CFAP418: variants seen among roughly 807,000 people sequenced by gnomAD.
CFAP418 encodes cilia and flagella associated protein 418, also known as cilia- and flagella-associated protein 418.
Under a neutral mutation model 24.7 loss-of-function variants are expected in CFAP418, and 27 were observed. The observed-to-expected ratio is 1.09, with a 90% CI of 0.81 to 1.51. The LOEUF (loss-of-function observed/expected upper bound fraction) is 1.51, where lower values mean the gene tolerates loss of function less well. Among genes scored for constraint, CFAP418 ranks in the 40% most tolerant of loss-of-function variants. The pLI is 0.00. For missense variants in CFAP418, 257 were observed against 255.2 expected, an observed-to-expected ratio of 1.01 and a Z score of -0.05; for synonymous variants, 74 against 87.3, an observed-to-expected ratio of 0.85 and a Z score of 0.85.
intron 4 of CFAP418, among the ~76,000 whole-genome samples, chr8:95,256,874 G>C (rs779263199): frequency 1.3e-5 from 2 of 152,162 alleles, no homozygotes; most frequent in Admixed American, 1.3e-4. Flanking sequence ...AGAATGACAA[G>C]CATCCCAGTG....
intron 1 of CFAP418, among the ~76,000 whole-genome samples, chr8:95,268,529 G>T (rs1812048696): frequency 6.6e-6 from 1 of 151,968 alleles, no homozygotes; most frequent in Non-Finnish European, 1.5e-5. Context: ...TTGACCTGGG[G>T]AGTGGGGTCT....
At chr8:95,255,355 T>C (rs1811771855) in intron 4 of CFAP418, among the ~76,000 whole-genome samples, 2 of 152,160 alleles carry the variant, frequency 1.3e-5, no homozygotes, top group African/African-American at 4.8e-5. Context: ...GCTCCTCCCC[T>C]TCTCAGGGAG....
chr8:95,265,527 T>G, intron 1 of CFAP418, among the ~76,000 whole-genome samples: 1 of 152,230 alleles, frequency 6.6e-6, no homozygotes. Flanking sequence ...CATCTGACAC[T>G]GTTGGGTACC....
At chr8:95,262,217 A>T (rs1307820231) in intron 2 of CFAP418, among the ~76,000 whole-genome samples, 3 of 152,210 alleles carry the variant, frequency 2.0e-5, no homozygotes, top group Non-Finnish European at 4.4e-5. Context: ...GGGTCCTGGA[A>T]CCAATCCCTT....
chr8:95,254,712 A>T (rs1811759853), intron 4 of CFAP418, among the ~76,000 whole-genome samples: 1 of 152,242 alleles, frequency 6.6e-6, no homozygotes, highest in African/African-American at 2.4e-5. Flanking sequence ...CAATGGGACT[A>T]AAGAAACTTG....
intron 4 of CFAP418, among the ~76,000 whole-genome samples, chr8:95,257,366 G>A (rs943176765): frequency 6.6e-6 from 1 of 152,144 alleles, no homozygotes; most frequent in Non-Finnish European, 1.5e-5. Context: ...ACATTCCAGT[G>A]GATTTATATT....
intron 1 of CFAP418, among the ~76,000 whole-genome samples, chr8:95,266,616 G>A (rs1430384865): frequency 2.0e-5 from 3 of 152,086 alleles, no homozygotes; most frequent in Non-Finnish European, 4.4e-5. Flanking sequence ...TTGGCTCAAG[G>A]AAAAATTTTA....
rs2132149657 is a variant in CFAP418, at chr8:95,245,263, C to A, written c.*2354G>T. On this transcript the variant is annotated 3_prime_UTR_variant, in exon 6 of 6. Coordinates refer to ENST00000286688, the MANE Select transcript of CFAP418 (RefSeq NM_177965.4). ...TCTGACTGTATATAAACATAATATT[C>A]TTTCTACATTTTAGTTTAAAATAGT... 6.6e-6 allele frequency: 1 copy of A among 152,170 alleles called. No individual in the cohort carries two copies. Among genetic ancestry groups the A allele is most frequent in the Admixed American group, 6.5e-5 (1 of 15,290 alleles). The allele number at this position is 152,170 out of a possible 1,614,324, so 9.4% of individuals were successfully genotyped here. A position where few individuals can be genotyped will look rare whatever the true frequency, so the allele number is the denominator to read the frequency against.
In CFAP418 at chr8:95,252,208, C is replaced by A; in HGVS notation, c.450G>T (p.Ser150=). The A allele has an allele frequency of 1.2e-6, 2 of 1,612,504 alleles. No individual in the cohort carries two copies. The highest frequency in any genetic ancestry group is 1.7e-6 in the Non-Finnish European group (2 of 1,179,208). Reference sequence around the variant, plus strand: ...CATACCTGAAAAACAGATAATCACACGATTTGTCCCACATATAGTCATCAT... The same window carrying A: ...CATACCTGAAAAACAGATAATCACAAGATTTGTCCCACATATAGTCATCAT... ...VSYDDYMWDK[S]CDYLFFRNNM... The change falls in exon 5 of 6, where the codon TCG becomes TCT. Residue 150 remains serine, a synonymous_variant. Coordinates refer to ENST00000286688, the MANE Select transcript of CFAP418 (RefSeq NM_177965.4).
At chr8:95,261,986 T>G (rs1811900561) in intron 2 of CFAP418, among the ~76,000 whole-genome samples, 1 of 152,244 alleles carries the variant, frequency 6.6e-6, no homozygotes, top group Non-Finnish European at 1.5e-5. Flanking sequence ...TACTCAGTAT[T>G]TAGGAAGTAT....
Position 95,252,291 on chromosome 8 carries a change from G to T in CFAP418, c.375-8C>A. The T allele has an allele frequency of 6.3e-7, 1 of 1,592,520 alleles. No individual in the cohort carries two copies. Among genetic ancestry groups the T allele is most frequent in the Non-Finnish European group, 8.6e-7 (1 of 1,168,122 alleles). ...CGCAGATGGTCACATGCTCTGTTCA[G>T]AGAAAAAAAATTGTATATTAAAGAT... On this transcript the variant is annotated splice_region_variant and splice_polypyrimidine_tract_variant and intron_variant, in intron 4 of 5. Coordinates refer to ENST00000286688, the MANE Select transcript of CFAP418 (RefSeq NM_177965.4).
intron 5 of CFAP418, among the ~76,000 whole-genome samples, chr8:95,250,224 A>C (rs2132153592): frequency 6.6e-6 from 1 of 152,362 alleles, no homozygotes; most frequent in South Asian, 2.1e-4. Context: ...CCATTCTCTT[A>C]TCTCCCAAAC....
chr8:95,265,528 G>A (rs1475552718), intron 1 of CFAP418, among the ~76,000 whole-genome samples: 3 of 152,144 alleles, frequency 2.0e-5, no homozygotes, highest in South Asian at 4.1e-4. Flanking sequence ...ATCTGACACT[G>A]TTGGGTACCA....
intron 2 of CFAP418, among the ~76,000 whole-genome samples, chr8:95,261,302 T>C (rs906682200): frequency 3.3e-5 from 5 of 152,192 alleles, no homozygotes; most frequent in African/African-American, 4.8e-5. Context: ...TCAACTCTTA[T>C]TTGATGTTAA....
At chr8:95,260,892 TGAG>T (rs1414513409) in intron 2 of CFAP418, among the ~76,000 whole-genome samples, 2 of 152,152 alleles carry the variant, frequency 1.3e-5, no homozygotes, top group Admixed American at 1.3e-4. Flanking sequence ...AAAATTCAAT[TGAG>T]GAGGAAAAAA....
chr8:95,251,154 G>C (rs1289729377), intron 5 of CFAP418, among the ~76,000 whole-genome samples: 1 of 152,210 alleles, frequency 6.6e-6, no homozygotes, highest in Non-Finnish European at 1.5e-5. Flanking sequence ...TCAGCCACAA[G>C]GAGGGAGGTA....
At chr8:95,262,725 C>T (rs1811912691) in intron 2 of CFAP418, among the ~76,000 whole-genome samples, 1 of 152,234 alleles carries the variant, frequency 6.6e-6, no homozygotes, top group South Asian at 2.1e-4. Flanking sequence ...CCTAGGAATT[C>T]CTCTTCTAGC....
rs890639335 is a variant in CFAP418, at chr8:95,259,756, G to A, written c.374+84C>T. On this transcript the variant is annotated intron_variant, in intron 4 of 5. Coordinates refer to ENST00000286688, the MANE Select transcript of CFAP418 (RefSeq NM_177965.4). Reference sequence around the variant, plus strand: ...CTCTCCTTATAAAACAGATTGATGTGAAGATGATAACTACATTTTAACAAT... The same window carrying A: ...CTCTCCTTATAAAACAGATTGATGTAAAGATGATAACTACATTTTAACAAT... The A allele has an allele frequency of 4.2e-6, 4 of 957,258 alleles. No homozygotes were observed. In the Admixed American group the frequency reaches 8.9e-5, roughly 21 times the overall value. The allele number at this position is 957,258 out of a possible 1,614,324, so 59.3% of individuals were successfully genotyped here. A position where few individuals can be genotyped will look rare whatever the true frequency, so the allele number is the denominator to read the frequency against.
intron 4 of CFAP418, among the ~76,000 whole-genome samples, chr8:95,256,228 T>C (rs2132158397): frequency 6.6e-6 from 1 of 152,354 alleles, no homozygotes; most frequent in South Asian, 2.1e-4. Context: ...AATGTATTTT[T>C]TTAAAAGATC....
Sources: allele counts gnomAD v4.1 joint callset (sites outside exome capture counted in the v4.1 genomes callset), GRCh38; gene constraint gnomAD v4.1.1; transcripts MANE v1.5; gene names NCBI Gene and HGNC (gene_info 2026-07-23, HGNC 2026-07-21).